CHST1: variants seen among roughly 807,000 people sequenced by gnomAD.
The protein encoded by CHST1 is Keratan sulfotransferase.
A neutral mutation model predicts 22.5 loss-of-function variants in CHST1; 10 were observed. That is an observed-to-expected ratio of 0.44 (90% CI 0.27 to 0.75). CHST1 has a LOEUF of 0.75. Ranked by LOEUF, CHST1 falls within the 30% of genes least tolerant of loss-of-function variation. The probability of loss-of-function intolerance (pLI) is 0.15; values close to 1 mark genes in which losing one functional copy is unlikely to be tolerated. For missense variants in CHST1, 439 were observed against 576.1 expected, an observed-to-expected ratio of 0.76 and a Z score of 2.44; for synonymous variants, 267 against 264.5, an observed-to-expected ratio of 1.01 and a Z score of -0.09.
rs571383888 is a variant in CHST1, at chr11:45,658,242, AGGAAAT to A, written c.-226-5642_-226-5637del. On this transcript the variant is annotated intron_variant, in intron 1 of 3. Transcript: ENST00000308064. ...CTATAGGCCTCACTTGTCCTTATGT[AGGAAAT>A]GGGAGAAACAATCACAGAATCTTTC... 3.5e-3 allele frequency among the ~76,000 whole-genome samples: 526 copies of A among 152,344 alleles called. 7 individuals carry two copies. The highest frequency in any genetic ancestry group is 0.018 in the South Asian group (85 of 4,830).
intron 1 of CHST1, among the ~76,000 whole-genome samples, chr11:45,660,151 C>T (rs1349924586): frequency 2.6e-5 from 4 of 152,240 alleles, no homozygotes; most frequent in Non-Finnish European, 5.9e-5. Flanking sequence ...CACGCCTCAC[C>T]TCATTGAATC....
At chr11:45,656,192 G>A (rs1014226507) in intron 1 of CHST1, among the ~76,000 whole-genome samples, 2 of 152,174 alleles carry the variant, frequency 1.3e-5, no homozygotes, top group South Asian at 2.1e-4. Context: ...AATGCCATTA[G>A]TGCCCACAAT....
Position 45,660,702 on chromosome 11 carries a change from C to T in CHST1, c.-227+4476G>A, listed in dbSNP as rs1852120596. Among the ~76,000 whole-genome samples the T allele has an allele frequency of 2.6e-5, 4 of 152,216 alleles. No homozygotes were observed. The South Asian group carries it at 6.2e-4, about 24-fold the overall frequency. ...GTCTGTTTCACCTGCCCTGCAGAAT[C>T]CTTGAAGGACAGCACCAGCCCCCCT... On this transcript the variant is annotated intron_variant, in intron 1 of 3. Transcript: ENST00000308064.
chr11:45,660,114 C>T (rs1852112083), intron 1 of CHST1, among the ~76,000 whole-genome samples: 1 of 152,202 alleles, frequency 6.6e-6, no homozygotes, highest in Non-Finnish European at 1.5e-5. Context: ...TATACAGTGG[C>T]GGCCTAGCAC....
At position 45,650,768 on chromosome 11, in the gene CHST1, G is replaced by C. The variant is rs754970236; in HGVS notation, c.156C>G (p.Thr52=). The part of the protein sequence containing the change: ...LAERLCEESP[T]FAYNLSRKTH... The stretch of plus-strand genomic sequence containing the variant: ...TCTTGCGGGAGAGGTTGTAGGCGAA[G>C]GTGGGGCTCTCCTCGCACAGTCGCT... The change falls in exon 4 of 4, where the codon ACC becomes ACG. Residue 52 remains threonine (T), a synonymous_variant. Transcript: ENST00000308064. The C allele has an allele frequency of 3.1e-6, 5 of 1,614,008 alleles. No individual in the cohort carries two copies. Among genetic ancestry groups the C allele is most frequent in the Non-Finnish European group, 4.2e-6 (5 of 1,180,008 alleles).
rs764979484 is a variant in CHST1, at chr11:45,650,748, C to A, written c.176G>T (p.Arg59Leu). Residue 59 changes from arginine (R) to leucine (L), a missense_variant, in exon 4 of 4, where the codon CGC (arginine) becomes CTC (leucine). By Grantham distance (102) the Arg-to-Leu change is moderately radical. Transcript: ENST00000308064. ...GGCCAGGATGAGGATGTGGGTCTTG[C>A]GGGAGAGGTTGTAGGCGAAGGTGGG... ...ESPTFAYNLS[R>L]KTHILILATT... is the part of the protein sequence containing the mutation. The A allele has an allele frequency of 6.2e-7, 1 of 1,614,074 alleles. No homozygotes were observed. The highest frequency in any genetic ancestry group is 8.5e-7 in the Non-Finnish European group (1 of 1,179,982).
At chr11:45,664,724 G>C (rs1216097935) in intron 1 of CHST1, among the ~76,000 whole-genome samples, 2 of 152,230 alleles carry the variant, frequency 1.3e-5, no homozygotes, top group Admixed American at 6.5e-5. Context: ...CCAGGGCTGG[G>C]AGCAGGAAGC....
In CHST1 at chr11:45,648,542, AT is replaced by A. The variant is rs965937635; in HGVS notation, c.*1145del. On this transcript the variant is annotated 3_prime_UTR_variant, in exon 4 of 4. Transcript: ENST00000308064. ...TACTAAAATCCAAAAAAAAAAAAAA[AT>A]AGCCAGGTGTGGCAGTGTGCACCTG... Among the ~76,000 whole-genome samples the A allele has an allele frequency of 7.9e-5, 12 of 151,590 alleles. No individual in the cohort carries two copies. Among genetic ancestry groups the A allele is most frequent in the African/African-American group, 2.9e-4 (12 of 41,156 alleles).
At position 45,649,057 on chromosome 11, in the gene CHST1, C is replaced by A. The variant is rs187734850; in HGVS notation, c.*631G>T. On this transcript the variant is annotated 3_prime_UTR_variant, in exon 4 of 4. Coordinates refer to ENST00000308064, the MANE Select transcript of CHST1 (RefSeq NM_003654.6). ...GTCATCACTGGTCCAGGGGCGGCCA[C>A]GAGACTCAGACAGACAGACAGCATC... is the stretch of plus-strand genomic sequence containing the variant. 1 of 152,214 alleles carries A rather than the reference C, an allele frequency of 6.6e-6. No individual in the cohort carries two copies. Among genetic ancestry groups the A allele is most frequent in the East Asian group, 1.9e-4 (1 of 5,148 alleles). 9.4% of individuals were successfully genotyped at this position (152,214 alleles called of 1,614,324 possible).
chr11:45,653,850 A>T (rs951165577), intron 1 of CHST1, among the ~76,000 whole-genome samples: 3 of 152,184 alleles, frequency 2.0e-5, no homozygotes, highest in Non-Finnish European at 4.4e-5. Context: ...CCATCAGCTC[A>T]TCGCACCCTC....
Position 45,650,257 on chromosome 11 carries a change from G to T in CHST1, c.667C>A (p.Pro223Thr). 6.2e-7 allele frequency: 1 copy of T among 1,607,398 alleles called. No homozygotes were observed. ...VNDLRALVED[P>T]RLNLKVIQLV... is the part of the protein sequence containing the mutation. ...TGGATGACCTTGAGGTTTAATCGCG[G>T]GTCTTCCACCAGGGCGCGCAGGTCG... is the stretch of plus-strand genomic sequence containing the variant. The change falls in exon 4 of 4, where the codon CCG becomes ACG. Residue 223 changes from proline (P) to threonine (T), a missense_variant. By Grantham distance (38) the Pro-to-Thr change is conservative (BLOSUM62 -1). Coordinates refer to ENST00000308064, the MANE Select transcript of CHST1 (RefSeq NM_003654.6).
chr11:45,650,279 G>A lies in CHST1; in HGVS notation c.645C>T (p.Asp215=). The change falls in exon 4 of 4, where the codon GAC becomes GAT. Residue 215 remains aspartate (D), a synonymous_variant. Transcript: ENST00000308064. ...GCGGGTCTTCCACCAGGGCGCGCAG[G>A]TCGTTCACCTCGGGCACGCGCACCG... ...IKTVRVPEVN[D]LRALVEDPRL... 3.7e-6 allele frequency: 6 copies of A among 1,606,390 alleles called. No homozygotes were observed. Among genetic ancestry groups the A allele is most frequent in the Non-Finnish European group, 5.1e-6 (6 of 1,179,448 alleles).
At chr11:45,661,278 A>G (rs1852129436) in intron 1 of CHST1, among the ~76,000 whole-genome samples, 1 of 152,184 alleles carries the variant, frequency 6.6e-6, no homozygotes, top group African/African-American at 2.4e-5. Flanking sequence ...GAGGGCCGCA[A>G]GTCTGGGAGT....
Position 45,648,733 on chromosome 11 carries a change from G to A in CHST1, c.*955C>T, listed in dbSNP as rs961848412. 4 of 152,106 alleles carry A rather than the reference G, an allele frequency of 2.6e-5. No individual in the cohort carries two copies. The highest frequency in any genetic ancestry group is 9.7e-5 in the African/African-American group (4 of 41,402). The allele number at this position is 152,106 out of a possible 1,614,324, so 9.4% of individuals were successfully genotyped here. A position where few individuals can be genotyped will look rare whatever the true frequency, so the allele number is the denominator to read the frequency against. On this transcript the variant is annotated 3_prime_UTR_variant, in exon 4 of 4. Transcript: ENST00000308064. ...AAACCTAAACTAAACTCAGTGTTGAGGGTGACAAGAGTTCTGAAAGGCAGA... is the reference window on the plus strand; with the variant it reads ...AAACCTAAACTAAACTCAGTGTTGAAGGTGACAAGAGTTCTGAAAGGCAGA...
In CHST1 at chr11:45,650,550, C is replaced by A. The variant is rs1420619658; in HGVS notation, c.374G>T (p.Arg125Leu). ...GTAGAGGTCGCAGTCGTAGAGGCTC[C>A]GCAGGAGGTCGCGGCTGGCGCCTAG... ...VMLGASRDLLRSLYDCDLYFL... is the reference protein window; with the variant it reads ...VMLGASRDLLLSLYDCDLYFL... Residue 125 changes from arginine (R) to leucine (L), a missense_variant, in exon 4 of 4, where the codon CGG (arginine) becomes CTG (leucine). Transcript: ENST00000308064. The A allele has an allele frequency of 8.1e-6, 13 of 1,613,806 alleles. No homozygotes were observed. Among genetic ancestry groups the A allele is most frequent in the Non-Finnish European group, 1.1e-5 (13 of 1,179,988 alleles).
intron 1 of CHST1, among the ~76,000 whole-genome samples, chr11:45,655,412 G>A (rs1482430631): frequency 5.9e-5 from 9 of 152,214 alleles, no homozygotes; most frequent in African/African-American, 2.2e-4. Flanking sequence ...CTGAGCCACC[G>A]CAGTGGCTTT....
chr11:45,649,881 C>T lies in CHST1; in HGVS notation c.1043G>A (p.Gly348Asp). 6.2e-7 allele frequency: 1 copy of T among 1,611,316 alleles called. No individual in the cohort carries two copies. The highest frequency in any genetic ancestry group is 8.5e-7 in the Non-Finnish European group (1 of 1,179,972). ...GDPTLGKHKY[G>D]TVRNSAATAE... ...CGTGGCCGCCGAGTTTCGCACGGTGCCGTATTTGTGCTTGCCCAGGGTGGG... is the reference window on the plus strand; with the variant it reads ...CGTGGCCGCCGAGTTTCGCACGGTGTCGTATTTGTGCTTGCCCAGGGTGGG... Residue 348 changes from glycine to aspartate, a missense_variant, in exon 4 of 4, where the codon GGC becomes GAC. Gly to Asp is a moderately conservative substitution (Grantham distance 94). Transcript: ENST00000308064.
intron 1 of CHST1, among the ~76,000 whole-genome samples, chr11:45,656,199 C>A (rs112727727): frequency 6.6e-6 from 1 of 152,214 alleles, no homozygotes; most frequent in Non-Finnish European, 1.5e-5. Context: ...TTAGTGCCCA[C>A]AATTTTACAC....
At chr11:45,664,697 T>C (rs1439528694) in intron 1 of CHST1, among the ~76,000 whole-genome samples, 1 of 152,180 alleles carries the variant, frequency 6.6e-6, no homozygotes, top group East Asian at 1.9e-4. Context: ...CGCAGCGGTC[T>C]GGGTGCGGAG....
Sources: gnomAD v4.1 joint callset for allele counts (sites outside exome capture counted in the v4.1 genomes callset) on GRCh38, gnomAD v4.1.1 for gene constraint, MANE v1.5 for transcripts, NCBI Gene and HGNC (gene_info 2026-07-23, HGNC 2026-07-21) for gene names.